Variants in TOX3 observed in about 807,000 individuals in gnomAD.
TOX3 encodes CAG trinucleotide repeat-containing gene F9 protein.
TOX3 carries 22 observed loss-of-function variants against 64.3 expected under a neutral mutation model. The ratio of observed to expected loss-of-function variants is 0.34; its 90% CI spans 0.24 to 0.49. TOX3 has a LOEUF of 0.49. Among genes scored for constraint, TOX3 ranks in the 20% least tolerant of loss-of-function variants. The probability of loss-of-function intolerance (pLI) is 0.99; values close to 1 mark genes in which losing one functional copy is unlikely to be tolerated. For synonymous variants in TOX3, 291 were observed against 273.6 expected (o/e 1.06, Z -0.63); for missense variants, 661 against 714.4 (o/e 0.93, Z 0.85).
Position 52,439,889 on chromosome 16 carries a change from A to G in TOX3, c.1067T>C (p.Leu356Pro). 1 of 1,613,472 alleles carries G rather than the reference A, an allele frequency of 6.2e-7. No individual in the cohort carries two copies. Among genetic ancestry groups the G allele is most frequent in the Middle Eastern group, 1.6e-4 (1 of 6,062 alleles). ...TLASTNLTSS[L>P]LLNTPLSQHG... is the part of the protein sequence containing the mutation. ...TTGAGACAGTGGAGTGTTGAGAAGG[A>G]GAGAGGATGTTAGATTGGTCGACGC... The change falls in exon 7 of 7, where the codon CTC becomes CCC. Residue 356 changes from leucine to proline, a missense_variant. Physicochemically the swap from Leu to Pro is moderately conservative, Grantham distance 98. Around this residue, in one of 3 missense-constraint regions of TOX3, gnomAD observed 299 missense variants for 292.1 expected, o/e 1.02. Transcript: ENST00000219746.
At chr16:52,539,504 T>A (rs1963030259) in intron 1 of TOX3, among the ~76,000 whole-genome samples, 1 of 152,266 alleles carries the variant, frequency 6.6e-6, no homozygotes, top group Non-Finnish European at 1.5e-5. Flanking sequence ...TTTCACATGT[T>A]ACTTCCTAAA....
intron 1 of TOX3, among the ~76,000 whole-genome samples, chr16:52,477,736 T>A (rs1044070867): frequency 6.6e-6 from 1 of 152,148 alleles, no homozygotes; most frequent in African/African-American, 2.4e-5. Context: ...GTGTTTCAAT[T>A]TTCCCATCAA....
At chr16:52,471,255 A>G (rs79025327) in intron 1 of TOX3, among the ~76,000 whole-genome samples, 2,399 of 152,286 alleles carry the variant, frequency 0.016, 44 homozygotes, top group East Asian at 0.096. Flanking sequence ...GGTTAAACTA[A>G]TCAGAATGAA....
chr16:52,439,386 G>T lies in TOX3; in HGVS notation c.1570C>A (p.His524Asn). Residue 524 changes from histidine (H) to asparagine (N), a missense_variant, in exon 7 of 7, where the codon CAC becomes AAC. Coordinates refer to ENST00000219746, the MANE Select transcript of TOX3 (RefSeq NM_001080430.4). ...TGCCGAGGAGAAGGCTGAGACTGGT[G>T]CTGCATGTGTTGCAGCTGCTGCAGC... ...LQLQQLQHMQ[H>N]QSQPSPRQHS... 1.3e-6 allele frequency: 2 copies of T among 1,599,122 alleles called. No homozygotes were observed. The highest frequency in any genetic ancestry group is 1.7e-4 in the Middle Eastern group (1 of 6,044).
chr16:52,453,902 G>T (rs1408990625), intron 3 of TOX3, among the ~76,000 whole-genome samples: 3 of 152,196 alleles, frequency 2.0e-5, no homozygotes, highest in Non-Finnish European at 2.9e-5. Context: ...ACTAAAAAGG[G>T]AGTTTTACTG....
chr16:52,495,879 T>G (rs1350269122), intron 1 of TOX3, among the ~76,000 whole-genome samples: 2 of 152,208 alleles, frequency 1.3e-5, no homozygotes, highest in Non-Finnish European at 2.9e-5. Flanking sequence ...TACATTTTCT[T>G]CCGTTTATTC....
intron 2 of TOX3, among the ~76,000 whole-genome samples, chr16:52,465,542 G>C (rs566781361): frequency 2.1e-5 from 3 of 142,242 alleles, no homozygotes; most frequent in Non-Finnish European, 4.5e-5. Context: ...CTAGCTCAGA[G>C]AGTCAAACTT....
intron 1 of TOX3, among the ~76,000 whole-genome samples, chr16:52,469,697 T>C (rs1373926334): frequency 6.6e-6 from 1 of 152,058 alleles, no homozygotes; most frequent in African/African-American, 2.4e-5. Context: ...CATAGATAAA[T>C]ACACAGATAA....
chr16:52,472,303 G>A lies in TOX3; in HGVS notation c.88-3729C>T, dbSNP rs78054890. Among the ~76,000 whole-genome samples, 738 of 152,262 alleles carry A rather than the reference G, an allele frequency of 4.8e-3. 6 individuals are homozygous for A. The highest frequency in any genetic ancestry group is 0.017 in the African/African-American group (708 of 41,546). ...AGCTTACATTTTTCTTAAAGGGGGA[G>A]ACAGGAAACAAACAAACAACATGCT... On this transcript the variant is annotated intron_variant, in intron 1 of 6. Transcript: ENST00000219746.
chr16:52,511,648 A>G (rs145535307), intron 1 of TOX3, among the ~76,000 whole-genome samples: 117 of 152,340 alleles, frequency 7.7e-4, no homozygotes, highest in African/African-American at 2.7e-3. Context: ...TTTATGAGGA[A>G]AGAATCAGCA....
chr16:52,513,919 A>G (rs1333684060), intron 1 of TOX3, among the ~76,000 whole-genome samples: 2 of 152,206 alleles, frequency 1.3e-5, no homozygotes, highest in Non-Finnish European at 2.9e-5. Flanking sequence ...CTCAACCATA[A>G]TGGAAAGATC....
chr16:52,525,243 C>T (rs967377314), intron 1 of TOX3, among the ~76,000 whole-genome samples: 2 of 152,046 alleles, frequency 1.3e-5, no homozygotes, highest in African/African-American at 4.8e-5. Context: ...ACTAAAGATC[C>T]ATTTAATTAA....
intron 4 of TOX3, among the ~76,000 whole-genome samples, chr16:52,447,234 T>A (rs1268559530): frequency 1.3e-5 from 2 of 152,214 alleles, no homozygotes; most frequent in Non-Finnish European, 2.9e-5. Flanking sequence ...ATTTTGCAGT[T>A]AACTTCATCA....
In TOX3 at chr16:52,444,257, C is replaced by A; in HGVS notation, c.987+19G>T. ...CGCTGTGACTATTTTGGAGCCTGGC[C>A]GCCCCTGCCCAGGTTTACCTTAGAA... On this transcript the variant is annotated intron_variant, in intron 6 of 6. Transcript: ENST00000219746. The A allele has an allele frequency of 6.5e-7, 1 of 1,531,930 alleles. No individual in the cohort carries two copies. The highest frequency in any genetic ancestry group is 8.9e-7 in the Non-Finnish European group (1 of 1,129,934). 94.9% of individuals were successfully genotyped at this position (1,531,930 alleles called of 1,614,324 possible). A position where few individuals can be genotyped will look rare whatever the true frequency, so the allele number is the denominator to read the frequency against.
intron 1 of TOX3, among the ~76,000 whole-genome samples, chr16:52,522,840 G>A (rs1406651306): frequency 1.3e-5 from 2 of 151,796 alleles, no homozygotes; most frequent in Non-Finnish European, 2.9e-5. Context: ...TTTGTTTTTT[G>A]CGAATCCCAC....
chr16:52,541,856 C>T (rs1030344612), intron 1 of TOX3, among the ~76,000 whole-genome samples: 14 of 152,094 alleles, frequency 9.2e-5, no homozygotes, highest in Non-Finnish European at 2.9e-5. Context: ...CTGTTTTATC[C>T]ATTAGTCACT....
chr16:52,514,387 A>G (rs1395387514), intron 1 of TOX3, among the ~76,000 whole-genome samples: 2 of 152,218 alleles, frequency 1.3e-5, no homozygotes, highest in Admixed American at 6.5e-5. Context: ...TCATAAGCCA[A>G]TGCTTACAAA....
At chr16:52,467,547 A>G (rs62043286) in intron 2 of TOX3, among the ~76,000 whole-genome samples, 1,597 of 152,312 alleles carry the variant, frequency 0.01, 15 homozygotes, top group Middle Eastern at 0.024. Flanking sequence ...TCTGGGGTCA[A>G]GCTAGTTCAG....
intron 1 of TOX3, among the ~76,000 whole-genome samples, chr16:52,521,892 T>C (rs992950174): frequency 3.9e-5 from 6 of 152,182 alleles, no homozygotes; most frequent in Non-Finnish European, 5.9e-5. Context: ...AGCCTGTGGG[T>C]AACGAGCACA....
Sources: allele counts gnomAD v4.1 joint callset (sites outside exome capture counted in the v4.1 genomes callset), GRCh38; gene constraint gnomAD v4.1.1; regional missense constraint gnomAD v4.1.1; transcripts MANE v1.5; gene names NCBI Gene and HGNC (gene_info 2026-07-23, HGNC 2026-07-21).